RRAS2: variants seen among roughly 807,000 people sequenced by gnomAD.
The protein encoded by RRAS2 is RAS related 2.
A neutral mutation model predicts 27.6 loss-of-function variants in RRAS2; 7 were observed. The ratio of observed to expected loss-of-function variants is 0.25; its 90% confidence interval spans 0.14 to 0.48. The LOEUF (loss-of-function observed/expected upper bound fraction) is 0.48, where lower values mean the gene tolerates loss of function less well. Ranked by LOEUF, RRAS2 falls within the 20% of genes least tolerant of loss-of-function variation. The probability of loss-of-function intolerance (pLI) is 0.99; values close to 1 mark genes in which losing one functional copy is unlikely to be tolerated. For synonymous variants in RRAS2, 86 were observed against 90.9 expected (o/e 0.95, Z 0.31); for missense variants, 178 against 256.2 (o/e 0.69, Z 2.08).
intron 1 of RRAS2, among the ~76,000 whole-genome samples, chr11:14,341,106 C>T (rs185439681): frequency 3.3e-5 from 5 of 152,236 alleles, no homozygotes; most frequent in Admixed American, 2.6e-4. Flanking sequence ...ACATTTTTTA[C>T]ATAAATAATC....
chr11:14,346,242 A>G (rs1303375528), intron 1 of RRAS2, among the ~76,000 whole-genome samples: 2 of 152,224 alleles, frequency 1.3e-5, no homozygotes, highest in East Asian at 1.9e-4. Flanking sequence ...ACAATGTACT[A>G]TAAAGTTACA....
intron 1 of RRAS2, among the ~76,000 whole-genome samples, chr11:14,305,015 C>CT (rs781944372): frequency 6.6e-5 from 10 of 152,192 alleles, no homozygotes; most frequent in Non-Finnish European, 7.3e-5. Context: ...CCCCAGAACT[C>CT]TAATGCAGAA....
intron 1 of RRAS2, among the ~76,000 whole-genome samples, chr11:14,312,813 G>A (rs1487749801): frequency 6.6e-6 from 1 of 152,204 alleles, no homozygotes; most frequent in African/African-American, 2.4e-5. Flanking sequence ...CTGTATCACT[G>A]TTGTTTTACT....
intron 1 of RRAS2, among the ~76,000 whole-genome samples, chr11:14,339,163 G>A (rs782129246): frequency 4.0e-5 from 6 of 151,390 alleles, no homozygotes; most frequent in Admixed American, 6.6e-5. Flanking sequence ...CAGCTGGCCC[G>A]GGCTCAGTGG....
At chr11:14,324,480 T>C (rs1848303578) in intron 1 of RRAS2, among the ~76,000 whole-genome samples, 1 of 151,218 alleles carries the variant, frequency 6.6e-6, no homozygotes, top group African/African-American at 2.4e-5. Flanking sequence ...ATTCTCTTCA[T>C]GGATAGAATT....
At chr11:14,335,967 C>T (rs1188665374) in intron 1 of RRAS2, among the ~76,000 whole-genome samples, 4 of 152,200 alleles carry the variant, frequency 2.6e-5, no homozygotes, top group Non-Finnish European at 5.9e-5. Context: ...AACCTCTGCC[C>T]ACACCAGGGA....
At chr11:14,316,823 T>C (rs1848119244) in intron 1 of RRAS2, among the ~76,000 whole-genome samples, 1 of 152,220 alleles carries the variant, frequency 6.6e-6, no homozygotes, top group Non-Finnish European at 1.5e-5. Flanking sequence ...TGTTACATTG[T>C]AATTCACCAA....
chr11:14,357,206 A>G (rs1381418924), intron 1 of RRAS2, among the ~76,000 whole-genome samples: 2 of 152,136 alleles, frequency 1.3e-5, no homozygotes, highest in Non-Finnish European at 2.9e-5. Context: ...AAAAACGTAA[A>G]TATTTGTGGT....
At chr11:14,282,352 G>A (rs956669135) in intron 4 of RRAS2, among the ~76,000 whole-genome samples, 1 of 152,168 alleles carries the variant, frequency 6.6e-6, no homozygotes, top group Admixed American at 6.5e-5. Context: ...TATGTGGGGA[G>A]AAATGAATTA....
chr11:14,340,412 T>C (rs1471990153), intron 1 of RRAS2, among the ~76,000 whole-genome samples: 1 of 151,896 alleles, frequency 6.6e-6, no homozygotes, highest in Non-Finnish European at 1.5e-5. Flanking sequence ...AAAAAAAGTA[T>C]TCTGAGAATC....
chr11:14,333,863 G>A (rs971052668), intron 1 of RRAS2, among the ~76,000 whole-genome samples: 4 of 152,082 alleles, frequency 2.6e-5, no homozygotes, highest in Non-Finnish European at 5.9e-5. Context: ...TTGAACCCCT[G>A]GACTCAAGCA....
chr11:14,294,807 C>A lies in RRAS2; in HGVS notation c.252G>T (p.Arg84Ser). The A allele has an allele frequency of 6.2e-7, 1 of 1,613,788 alleles. No individual in the cohort carries two copies. The highest frequency in any genetic ancestry group is 8.5e-7 in the Non-Finnish European group (1 of 1,179,920). Reference sequence around the variant, plus strand: ...AGACCAACAGGAAGCCTTCGCCAGTCCTCATATACTGTTCTCTCATGGCTC... The same window carrying A: ...AGACCAACAGGAAGCCTTCGCCAGTACTCATATACTGTTCTCTCATGGCTC... The part of the protein sequence containing the change: ...EFGAMREQYM[R>S]TGEGFLLVFS... Residue 84 changes from arginine (R) to serine (S), a missense_variant, in exon 3 of 6, where the codon AGG becomes AGT. Arg to Ser is a moderately radical substitution (Grantham distance 110). Coordinates refer to ENST00000256196, the MANE Select transcript of RRAS2 (RefSeq NM_012250.6).
At chr11:14,316,083 C>G (rs1554949482) in intron 1 of RRAS2, among the ~76,000 whole-genome samples, 1 of 151,968 alleles carries the variant, frequency 6.6e-6, no homozygotes, top group East Asian at 1.9e-4. Flanking sequence ...GATCAGAAAC[C>G]CATAACAGGA....
intron 1 of RRAS2, among the ~76,000 whole-genome samples, chr11:14,309,552 G>A (rs1349702044): frequency 6.6e-6 from 1 of 152,236 alleles, no homozygotes; most frequent in Admixed American, 6.5e-5. Flanking sequence ...GGGAGGATAT[G>A]ATACTGCATA....
intron 1 of RRAS2, among the ~76,000 whole-genome samples, chr11:14,302,967 T>C (rs1269104177): frequency 2.0e-5 from 3 of 152,218 alleles, no homozygotes; most frequent in Non-Finnish European, 4.4e-5. Flanking sequence ...CTTTGCAGGA[T>C]TGTTGTGAAA....
intron 1 of RRAS2, among the ~76,000 whole-genome samples, chr11:14,343,802 C>G (rs1421981240): frequency 1.3e-5 from 2 of 151,862 alleles, no homozygotes; most frequent in African/African-American, 4.8e-5. Flanking sequence ...CCAATGCACT[C>G]CAGCCTGGGT....
chr11:14,308,104 C>G (rs782093271), intron 1 of RRAS2: 12 of 262,742 alleles, frequency 4.6e-5, no homozygotes, highest in Non-Finnish European at 8.4e-5. Context: ...CATTAATATA[C>G]AGCAATCTGC....
At chr11:14,332,226 T>A (rs1187328728) in intron 1 of RRAS2, among the ~76,000 whole-genome samples, 1 of 152,238 alleles carries the variant, frequency 6.6e-6, no homozygotes, top group Non-Finnish European at 1.5e-5. Context: ...CATCAATGTC[T>A]GGGGCAGCTT....
chr11:14,349,512 C>T (rs527288617), intron 1 of RRAS2, among the ~76,000 whole-genome samples: 1 of 152,234 alleles, frequency 6.6e-6, no homozygotes, highest in East Asian at 1.9e-4. Flanking sequence ...TCTGCAATTC[C>T]AATCAAACAT....
Sources: gnomAD v4.1 joint callset for allele counts (sites outside exome capture counted in the v4.1 genomes callset) on GRCh38, gnomAD v4.1.1 for gene constraint, MANE v1.5 for transcripts, NCBI Gene and HGNC (gene_info 2026-07-23, HGNC 2026-07-21) for gene names.